The following CDH16 variants were observed in gnomAD, a reference collection of about 807,000 sequenced individuals.
CDH16 encodes the protein cadherin 16.
Under a neutral mutation model 87.6 loss-of-function variants are expected in CDH16, and 79 were observed. That is an observed-to-expected ratio of 0.90 (90% CI 0.75 to 1.09). The LOEUF is 1.09. CDH16 is among the 50% of genes least tolerant of loss of function. The pLI, the probability that CDH16 is intolerant of heterozygous loss-of-function variation, is 0.00. For synonymous variants in CDH16, 457 were observed against 439.5 expected (o/e 1.04, Z -0.50); for missense variants, 1,124 against 1,071.7 (o/e 1.05, Z -0.68).
intron 5 of CDH16, among the ~76,000 whole-genome samples, 157 bp downstream of exon 5, chr16:66,915,907 GA>G (rs1434315365): frequency 1.3e-5 from 2 of 150,238 alleles, no homozygotes; most frequent in Non-Finnish European, 1.5e-5. Context: ...TCAAAAAAAA[GA>G]AAAAAAGAAA....
At chr16:66,914,808 C>T (rs1962606154) in intron 6 of CDH16, among the ~76,000 whole-genome samples, 5 of 152,054 alleles carry the variant, frequency 3.3e-5, no homozygotes, top group African/African-American at 4.8e-5. Flanking sequence ...GGTTGTTGGG[C>T]GGTAGACGGG....
Position 66,908,255 on chromosome 16 carries a change from T to C in CDH16, c.*137A>G. The C allele has an allele frequency of 1.5e-6, 1 of 659,830 alleles. No individual in the cohort carries two copies. The highest frequency in any genetic ancestry group is 1.8e-5 in the South Asian group (1 of 55,778). The allele number at this position is 659,830 out of a possible 1,614,324, so 40.9% of individuals were successfully genotyped here. On this transcript the variant is annotated 3_prime_UTR_variant, in exon 18 of 18. Transcript: ENST00000299752. ...CTGCAGACATGCCTGGTGATGGTGA[T>C]GGTGCCTCCACCCCAGGGCAGATGG...
At chr16:66,917,912 G>T in intron 2 of CDH16, 109 bp downstream of exon 2, 1 of 1,100,560 alleles carries the variant, frequency 9.1e-7, no homozygotes, top group Non-Finnish European at 1.3e-6. Flanking sequence ...CCCCTCCCAT[G>T]CCTTGCACCG....
In CDH16 at chr16:66,909,868, G is replaced by C; in HGVS notation, c.2275+118C>G. 1.4e-6 allele frequency: 1 copy of C among 722,968 alleles called. No homozygotes were observed. Among genetic ancestry groups the C allele is most frequent in the Non-Finnish European group, 2.4e-6 (1 of 421,690 alleles). The allele number at this position is 722,968 out of a possible 1,614,324, so 44.8% of individuals were successfully genotyped here. ...TGTGTGCCCAGCCATAGGTGTGCAAGTGTGCACAGGCATGTGCTGTCCACA... is the reference window on the plus strand; with the variant it reads ...TGTGTGCCCAGCCATAGGTGTGCAACTGTGCACAGGCATGTGCTGTCCACA... On this transcript the variant is annotated intron_variant, in intron 16 of 17. Coordinates refer to ENST00000299752, the MANE Select transcript of CDH16 (RefSeq NM_004062.4). The surrounding 1 kb of genome is among the most constrained non-coding windows in gnomAD (Gnocchi z 4.1).
intron 7 of CDH16, 23 bp from the exon 8 acceptor site, chr16:66,913,636 A>T: frequency 6.2e-7 from 1 of 1,612,968 alleles, no homozygotes; most frequent in Non-Finnish European, 8.5e-7. Context: ...CCCCGGGCCA[A>T]GGGGCAGGAA....
chr16:66,917,314 T>C (rs1161577583), intron 3 of CDH16, among the ~76,000 whole-genome samples: 1 of 151,708 alleles, frequency 6.6e-6, no homozygotes, highest in Non-Finnish European at 1.5e-5. Flanking sequence ...GAAAAAAAAA[T>C]GTATAACGTT....
chr16:66,915,176 C>T, intron 6 of CDH16, 44 bp downstream of exon 6: 1 of 1,541,014 alleles, frequency 6.5e-7, no homozygotes, highest in Non-Finnish European at 8.7e-7. Flanking sequence ...CCTTCTCCAG[C>T]TTTCTCTGAC....
intron 5 of CDH16, among the ~76,000 whole-genome samples, 174 bp from the exon 6 acceptor site, chr16:66,915,552 T>C (rs1962641817): frequency 6.6e-6 from 1 of 152,118 alleles, no homozygotes; most frequent in Non-Finnish European, 1.5e-5. Context: ...AAGCCAAGAA[T>C]GGATGGCACC....
chr16:66,916,246 C>T lies in CDH16; in HGVS notation c.285+28G>A. The T allele has an allele frequency of 6.2e-6, 10 of 1,614,130 alleles. 1 individual carries two copies. In the Middle Eastern group the frequency reaches 1.5e-3, roughly 240 times the overall value. On this transcript the variant is annotated intron_variant, in intron 4 of 17. Transcript: ENST00000299752. The surrounding 1 kb of genome is among the most constrained non-coding windows in gnomAD (Gnocchi z 4.1). Reference sequence around the variant, plus strand: ...TCAGCGTCTGGCTCTGCCTTGCCTGCTCTCCCCTACACCTGGCCCAGCCAT... The same window carrying T: ...TCAGCGTCTGGCTCTGCCTTGCCTGTTCTCCCCTACACCTGGCCCAGCCAT...
chr16:66,912,567 C>G lies in CDH16; in HGVS notation c.1296G>C (p.Thr432=), dbSNP rs144917900. ...CTGTGACTGCGACTTCGACTTCACACGTGCTGCTGAAGCCTAGGGCAGAGG... is the reference window on the plus strand; with the variant it reads ...CTGTGACTGCGACTTCGACTTCACAGGTGCTGCTGAAGCCTAGGGCAGAGG... ...LAGAEGGFSS[T]CEVEVAVTDI... The change falls in exon 11 of 18, where the codon ACG becomes ACC. Residue 432 remains threonine, a synonymous_variant. Transcript: ENST00000299752. The G allele has an allele frequency of 1.2e-5, 20 of 1,614,192 alleles. No individual in the cohort carries two copies. The Middle Eastern group carries it at 1.2e-3, about 93-fold the overall frequency.
chr16:66,917,648 C>G lies in CDH16; in HGVS notation c.123G>C (p.Leu41=). ...CCCCAGCTCTCCGGCTCACCTTGGT[C>G]AGGTATAAAGGGAAATTTCCACCAT... The part of the protein sequence containing the change: ...ENYGGNFPLY[L]TKLPLPREGA... The change falls in exon 3 of 18, where the codon CTG becomes CTC. Residue 41 remains leucine, a synonymous_variant. Coordinates refer to ENST00000299752, the MANE Select transcript of CDH16 (RefSeq NM_004062.4). 1 of 1,612,320 alleles carries G rather than the reference C, an allele frequency of 6.2e-7. No individual in the cohort carries two copies. Among genetic ancestry groups the G allele is most frequent in the Non-Finnish European group, 8.5e-7 (1 of 1,178,838 alleles).
In CDH16 at chr16:66,912,287, C is replaced by G; in HGVS notation, c.1503G>C (p.Leu501=). 7 of 1,613,760 alleles carry G rather than the reference C, an allele frequency of 4.3e-6. No homozygotes were observed. The highest frequency in any genetic ancestry group is 5.9e-6 in the Non-Finnish European group (7 of 1,179,750). Residue 501 remains leucine, a synonymous_variant, in exon 12 of 18, where the codon CTG becomes CTC. Coordinates refer to ENST00000299752, the MANE Select transcript of CDH16 (RefSeq NM_004062.4). Reference sequence around the variant, plus strand: ...CATGCCCAGAGTCTGGCTCCCAATCCAGGCCAAAAGTCCCTTCTGTGTCTC... The same window carrying G: ...CATGCCCAGAGTCTGGCTCCCAATCGAGGCCAAAAGTCCCTTCTGTGTCTC... ...ERGDTEGTFG[L]DWEPDSGHVR... is the part of the protein sequence containing the mutation.
Position 66,910,045 on chromosome 16 carries a change from T to C in CDH16, c.2216A>G (p.Glu739Gly). Residue 739 changes from glutamate to glycine, a missense_variant, in exon 16 of 18, where the codon GAA becomes GGA. Physicochemically the swap from Glu to Gly is moderately conservative, Grantham distance 98 (BLOSUM62 -2). Transcript: ENST00000299752. The part of the protein sequence containing the change: ...TLALHWVEPR[E>G]HIIPVVVSHN... ...GCTGACCACCACGGGGATTATGTGT[T>C]CACGTGGCTCCACCCAATGCAGGGC... 6.2e-7 allele frequency: 1 copy of C among 1,613,156 alleles called. No individual in the cohort carries two copies. The highest frequency in any genetic ancestry group is 8.5e-7 in the Non-Finnish European group (1 of 1,179,446).
At chr16:66,911,085 T>C in intron 14 of CDH16, 97 bp downstream of exon 14, 1 of 1,253,286 alleles carries the variant, frequency 8.0e-7, no homozygotes, top group Non-Finnish European at 1.1e-6. Flanking sequence ...GGCTGGGGGT[T>C]GCCAGTGAGG....
Position 66,910,440 on chromosome 16 carries a change from G to C in CDH16, c.1987C>G (p.Pro663Ala). Residue 663 changes from proline (P) to alanine (A), a missense_variant, in exon 15 of 18, where the codon CCA (proline) becomes GCA (alanine). Physicochemically the swap from Pro to Ala is conservative, Grantham distance 27. Coordinates refer to ENST00000299752, the MANE Select transcript of CDH16 (RefSeq NM_004062.4). ...VIHFLKAPPAPALTLAPVPSQ... is the reference protein window; with the variant it reads ...VIHFLKAPPAAALTLAPVPSQ... ...GGCACAGGGGCAAGAGTCAGGGCTG[G>C]GGCAGGAGGGGCCTTTAGGAAGTGG... is the stretch of plus-strand genomic sequence containing the variant. The C allele has an allele frequency of 6.3e-7, 1 of 1,585,258 alleles. No individual in the cohort carries two copies. The highest frequency in any genetic ancestry group is 8.6e-7 in the Non-Finnish European group (1 of 1,162,682).
At chr16:66,914,450 G>A in intron 6 of CDH16, 38 bp from the exon 7 acceptor site, 2 of 1,502,634 alleles carry the variant, frequency 1.3e-6, no homozygotes, top group Non-Finnish European at 1.8e-6. Flanking sequence ...CAGGCAGCCA[G>A]GGAGCAGGGG....
rs142148503 is a variant in CDH16, at chr16:66,912,764, G to A, written c.1182C>T (p.Asp394=). The A allele has an allele frequency of 1.1e-4, 176 of 1,613,678 alleles. 1 individual carries two copies. The Middle Eastern group carries it at 2.3e-3, about 21-fold the overall frequency. ...CCAGCGTCACACTGCCTGAAGTGGG[G>A]TCCACCTGGAAGGCTCTCCCCTCTA... ...DGVEGRAFQV[D]PTSGSVTLGV... is the part of the protein sequence containing the mutation. Residue 394 remains aspartate, a synonymous_variant, in exon 10 of 18, where the codon GAC becomes GAT. Coordinates refer to ENST00000299752, the MANE Select transcript of CDH16 (RefSeq NM_004062.4).
At chr16:66,910,588 G>A in intron 14 of CDH16, 86 bp from the exon 15 acceptor site, 9 of 1,372,644 alleles carry the variant, frequency 6.6e-6, no homozygotes, top group Non-Finnish European at 8.6e-6. Flanking sequence ...CGCAGCCCAT[G>A]AGCCTCGCCT....
rs766979553 is a variant in CDH16, at chr16:66,915,379, C to G, written c.425-1G>C. On this transcript the variant is annotated splice_acceptor_variant, in intron 5 of 17. Coordinates refer to ENST00000299752, the MANE Select transcript of CDH16 (RefSeq NM_004062.4). LOFTEE classifies it high-confidence loss of function. ...GCCTCAAGGAAGAGGAAGGGGATGC[C>G]TGGTTCACGGTGGGAGGGCAAACTG... is the stretch of plus-strand genomic sequence containing the variant. The G allele has an allele frequency of 6.1e-5, 98 of 1,613,376 alleles. No individual in the cohort carries two copies. The highest frequency in any genetic ancestry group is 8.1e-5 in the Non-Finnish European group (95 of 1,179,740).
Sources: allele counts gnomAD v4.1 joint callset (sites outside exome capture counted in the v4.1 genomes callset), GRCh38; gene constraint gnomAD v4.1.1; non-coding constraint Gnocchi (gnomAD v3.1); transcripts MANE v1.5; gene names NCBI Gene and HGNC (gene_info 2026-07-23, HGNC 2026-07-21).